The following TMEM229B variants were observed in gnomAD, a reference collection of about 807,000 sequenced individuals.
TMEM229B encodes chromosome 14 open reading frame 83.
Under a neutral mutation model 13.7 loss-of-function variants are expected in TMEM229B, and 6 were observed. The observed-to-expected ratio is 0.44, with a 90% confidence interval of 0.24 to 0.86. The LOEUF (loss-of-function observed/expected upper bound fraction) is 0.86, where lower values mean the gene tolerates loss of function less well. Ranked by LOEUF, TMEM229B falls within the 40% of genes least tolerant of loss-of-function variation. The pLI, the probability that TMEM229B is intolerant of heterozygous loss-of-function variation, is 0.23. For synonymous variants in TMEM229B, 107 were observed against 102.1 expected, an observed-to-expected ratio of 1.05 and a Z score of -0.29; for missense variants, 170 against 236.0, an observed-to-expected ratio of 0.72 and a Z score of 1.83.
intron 1 of TMEM229B, among the ~76,000 whole-genome samples, chr14:67,522,208 T>C (rs7149893): frequency 0.014 from 2,095 of 152,216 alleles, 56 homozygotes; most frequent in African/African-American, 0.048. Flanking sequence ...GGAAAGAAAG[T>C]TGGGGATTGT....
At chr14:67,518,308 T>C (rs1830592874), upstream of TMEM229B, among the ~76,000 whole-genome samples, 1 of 152,222 alleles carries the variant, frequency 6.6e-6, no homozygotes, top group Non-Finnish European at 1.5e-5. Flanking sequence ...TTGGATGTCT[T>C]AAGGAAGTTC....
chr14:67,489,826 T>C (rs2032086450), upstream of TMEM229B, among the ~76,000 whole-genome samples: 1 of 152,032 alleles, frequency 6.6e-6, no homozygotes, highest in African/African-American at 2.4e-5. Flanking sequence ...CCATCTCTAC[T>C]AAAAGCACAA....
chr14:67,478,137 G>A, intron 2 of TMEM229B, among the ~76,000 whole-genome samples: 1 of 152,202 alleles, frequency 6.6e-6, no homozygotes. Context: ...AGACGGCTGG[G>A]GCAGCGTAGC....
intron 2 of TMEM229B, among the ~76,000 whole-genome samples, chr14:67,475,089 A>G (rs1866475809): frequency 6.6e-6 from 1 of 151,758 alleles, no homozygotes; most frequent in African/African-American, 2.4e-5. Context: ...CTAATTTTTG[A>G]ATTTTAGTAG....
At chr14:67,516,304 C>T (rs1199012312), upstream of TMEM229B, among the ~76,000 whole-genome samples, 2 of 152,094 alleles carry the variant, frequency 1.3e-5, no homozygotes, top group African/African-American at 4.8e-5. Flanking sequence ...CTAACCCATC[C>T]GGAGAGGGTA....
At chr14:67,494,394 C>T (rs1247722687) in intron 1 of TMEM229B, among the ~76,000 whole-genome samples, 1 of 152,196 alleles carries the variant, frequency 6.6e-6, no homozygotes, top group Non-Finnish European at 1.5e-5. Context: ...CTCAAGGTCA[C>T]AGTGCTAGTA....
intron 2 of TMEM229B, among the ~76,000 whole-genome samples, chr14:67,477,277 G>T (rs1842473710): frequency 6.6e-6 from 1 of 152,138 alleles, no homozygotes; most frequent in Non-Finnish European, 1.5e-5. Flanking sequence ...GACATCTTCA[G>T]CCTTTTCCTC....
At chr14:67,518,000 CT>C (rs564591394), upstream of TMEM229B, among the ~76,000 whole-genome samples, 818 of 152,300 alleles carry the variant, frequency 5.4e-3, 2 homozygotes, top group Non-Finnish European at 7.7e-3. Flanking sequence ...AGGGGCCCCC[CT>C]GGCTTTTCAC....
intron 1 of TMEM229B, among the ~76,000 whole-genome samples, chr14:67,499,701 A>G (rs903909179): frequency 6.6e-6 from 1 of 152,204 alleles, no homozygotes; most frequent in Non-Finnish European, 1.5e-5. Flanking sequence ...TGATGATCCC[A>G]GAAGACCTCC....
At chr14:67,505,148 C>A (rs1413920344) in intron 1 of TMEM229B, among the ~76,000 whole-genome samples, 1 of 152,014 alleles carries the variant, frequency 6.6e-6, no homozygotes, top group Non-Finnish European at 1.5e-5. Flanking sequence ...AAGAAGGATG[C>A]GCATTTTCAA....
intron 1 of TMEM229B, among the ~76,000 whole-genome samples, chr14:67,508,611 A>C (rs11850406): frequency 2.0e-5 from 3 of 151,508 alleles, no homozygotes; most frequent in East Asian, 2.0e-4. Context: ...GGCCAGGTGT[A>C]GTTCTGCACC....
intron 1 of TMEM229B, among the ~76,000 whole-genome samples, chr14:67,532,919 C>T (rs543166972): frequency 4.0e-5 from 6 of 151,898 alleles, no homozygotes; most frequent in Non-Finnish European, 8.8e-5. Flanking sequence ...AGCAGATCCC[C>T]GGGGCGCTCT....
At chr14:67,517,989 A>T (rs77281563), upstream of TMEM229B, among the ~76,000 whole-genome samples, 1 of 152,292 alleles carries the variant, frequency 6.6e-6, no homozygotes, top group Non-Finnish European at 1.5e-5. Context: ...CTGTAACAGT[A>T]AGGGGCCCCC....
At chr14:67,492,069 C>G (rs1229217871), upstream of TMEM229B, among the ~76,000 whole-genome samples, 2 of 152,152 alleles carry the variant, frequency 1.3e-5, no homozygotes, top group East Asian at 3.9e-4. Context: ...CCTGTCCTTT[C>G]CCTCTCCTCT....
At chr14:67,484,447 AT>A (rs985536447) in intron 2 of TMEM229B, among the ~76,000 whole-genome samples, 33 of 152,208 alleles carry the variant, frequency 2.2e-4, no homozygotes, top group African/African-American at 6.3e-4. Flanking sequence ...CTAGCATTTA[AT>A]TTTTTTTCTA....
intron 1 of TMEM229B, among the ~76,000 whole-genome samples, chr14:67,499,071 T>C (rs1013588339): frequency 5.3e-5 from 8 of 151,996 alleles, no homozygotes; most frequent in South Asian, 2.1e-4. Context: ...GGTGTGATCA[T>C]AGGTCACCAT....
intron 1 of TMEM229B, among the ~76,000 whole-genome samples, chr14:67,527,541 G>A (rs2033386223): frequency 6.6e-6 from 1 of 152,212 alleles, no homozygotes; most frequent in Non-Finnish European, 1.5e-5. Context: ...TAGGAGATTA[G>A]AAAGAAAGAT....
At chr14:67,485,498 G>A (rs1038829134) in intron 2 of TMEM229B, among the ~76,000 whole-genome samples, 10 of 152,200 alleles carry the variant, frequency 6.6e-5, no homozygotes, top group Non-Finnish European at 1.3e-4. Context: ...TTCCTGCATG[G>A]AATCTGAAGC....
chr14:67,509,104 A>T (rs1239026009), intron 1 of TMEM229B, among the ~76,000 whole-genome samples: 1 of 152,118 alleles, frequency 6.6e-6, no homozygotes, highest in Admixed American at 6.6e-5. Context: ...GCAAGAGGAA[A>T]ATTTTGGTTT....
Sources: allele counts gnomAD v4.1 joint callset (sites outside exome capture counted in the v4.1 genomes callset), GRCh38; gene constraint gnomAD v4.1.1; transcripts MANE v1.5; gene names NCBI Gene and HGNC (gene_info 2026-07-23, HGNC 2026-07-21).